MDN1: variants seen among roughly 807,000 people sequenced by gnomAD.
The protein encoded by MDN1 is midasin.
A neutral mutation model predicts 669.2 loss-of-function variants in MDN1; 266 were observed. The observed-to-expected ratio is 0.40, with a 90% confidence interval of 0.36 to 0.44. The LOEUF (loss-of-function observed/expected upper bound fraction) is 0.44. Among genes scored for constraint, MDN1 ranks in the 20% least tolerant of loss-of-function variants. The pLI, the probability that MDN1 is intolerant of heterozygous loss-of-function variation, is 1.00. For missense variants in MDN1, 5,940 were observed against 6,754.0 expected (o/e 0.88, Z 4.22); for synonymous variants, 2,385 against 2,457.1 (o/e 0.97, Z 0.87).
chr6:89,791,923 A>G (rs1413209746), intron 5 of MDN1, among the ~76,000 whole-genome samples: 1 of 135,594 alleles, frequency 7.4e-6, no homozygotes, highest in East Asian at 2.2e-4. Context: ...TCTGGAGTGC[A>G]GTGGCACGAT....
intron 77 of MDN1, 98 bp downstream of exon 77, chr6:89,676,004 G>T: frequency 9.7e-7 from 1 of 1,033,414 alleles, no homozygotes; most frequent in Non-Finnish European, 1.5e-6. Flanking sequence ...CCACTAACAG[G>T]CTGTTATCAC....
chr6:89,801,211 C>CA (rs769058721), intron 2 of MDN1, among the ~76,000 whole-genome samples: 25 of 152,158 alleles, frequency 1.6e-4, no homozygotes, highest in Non-Finnish European at 2.8e-4. Flanking sequence ...GCCTGGCCAA[C>CA]ATGGTGAAAC....
chr6:89,759,005 G>A, intron 17 of MDN1, 45 bp from the exon 18 acceptor site: 3 of 1,577,364 alleles, frequency 1.9e-6, no homozygotes, highest in Non-Finnish European at 2.6e-6. Context: ...TCAAATAAAG[G>A]CACACTTGCC....
chr6:89,677,678 C>A lies in MDN1; in HGVS notation c.12431G>T (p.Gly4144Val). ...GTTTTTTGAACGGGCCCAAGCAAGA[C>A]CTTTGCGATACGACAAACCTAGGAA... ...LAKIGLSYRK[G>V]LAWARSKNPQ... Residue 4144 changes from glycine to valine, a missense_variant, in exon 76 of 102, where the codon GGT becomes GTT. Physicochemically the swap from Gly to Val is moderately radical, Grantham distance 109. This residue lies in a region of MDN1 where 2,280 missense variants were observed against 2,576.3 expected (regional missense o/e 0.88). Coordinates refer to ENST00000369393, the MANE Select transcript of MDN1 (RefSeq NM_014611.3). 1 of 1,614,120 alleles carries A rather than the reference C, an allele frequency of 6.2e-7. No homozygotes were observed. Among genetic ancestry groups the A allele is most frequent in the Non-Finnish European group, 8.5e-7 (1 of 1,180,016 alleles).
In MDN1 at chr6:89,678,635, C is replaced by T. The variant is rs769208149; in HGVS notation, c.12376G>A (p.Ala4126Thr). The change falls in exon 75 of 102, where the codon GCT becomes ACT. Residue 4126 changes from alanine (A) to threonine (T), a missense_variant. Physicochemically the swap from Ala to Thr is moderately conservative, Grantham distance 58. Transcript: ENST00000369393. ...AKHILMQKQR[A>T]LSDLFKHLAK... ...AGGTGTTTAAAGAGGTCTGACAAAG[C>T]TCGCTGTTTTTGCATGAGAATGTGC... is the stretch of plus-strand genomic sequence containing the variant. 6.2e-7 allele frequency: 1 copy of T among 1,614,164 alleles called. No homozygotes were observed. Among genetic ancestry groups the T allele is most frequent in the South Asian group, 1.1e-5 (1 of 91,076 alleles).
At chr6:89,675,929 G>A (rs1811146786) in intron 77 of MDN1, 173 bp downstream of exon 77, 1 of 604,090 alleles carries the variant, frequency 1.7e-6, no homozygotes, top group South Asian at 2.3e-5. Flanking sequence ...AAGGTGTTCT[G>A]ATTTTGCACA....
chr6:89,765,242 G>A (rs1201487688), intron 15 of MDN1, among the ~76,000 whole-genome samples: 1 of 131,460 alleles, frequency 7.6e-6, no homozygotes, highest in East Asian at 2.3e-4. Flanking sequence ...GGGAGACAGA[G>A]TGAGACTATG....
At chr6:89,783,314 C>T (rs1410426235) in intron 9 of MDN1, among the ~76,000 whole-genome samples, 1 of 152,102 alleles carries the variant, frequency 6.6e-6, no homozygotes, top group Non-Finnish European at 1.5e-5. Context: ...CTGGGAATGC[C>T]TGTCTTATGC....
Position 89,794,757 on chromosome 6 carries a change from C to T in MDN1, c.374G>A (p.Arg125Lys). 2 of 1,614,216 alleles carry T rather than the reference C, an allele frequency of 1.2e-6. No individual in the cohort carries two copies. Among genetic ancestry groups the T allele is most frequent in the Non-Finnish European group, 1.7e-6 (2 of 1,180,028 alleles). ...AGCATCTGAACTCTCTAGGAAAAGTCTTTGAAAGACTGGGGATGTGTCCTT... is the reference window on the plus strand; with the variant it reads ...AGCATCTGAACTCTCTAGGAAAAGTTTTTGAAAGACTGGGGATGTGTCCTT... ...YFKDTSPVFQ[R>K]LFLESSDANP... Residue 125 changes from arginine to lysine, a missense_variant, in exon 3 of 102, where the codon AGA (arginine) becomes AAA (lysine). By Grantham distance (26) the Arg-to-Lys change is conservative. Transcript: ENST00000369393.
chr6:89,794,707 T>C lies in MDN1; in HGVS notation c.424A>G (p.Arg142Gly). The C allele has an allele frequency of 6.2e-7, 1 of 1,614,172 alleles. No individual in the cohort carries two copies. Among genetic ancestry groups the C allele is most frequent in the South Asian group, 1.1e-5 (1 of 91,078 alleles). Reference protein sequence around the residue: ...DANPVRYGRRRMKLRDLMEAA... With the variant: ...DANPVRYGRRGMKLRDLMEAA... ...TCCATTAGGTCCCGGAGCTTCATCC[T>C]CCTACGTCCATAGCGTACTGGATTA... Residue 142 changes from arginine to glycine, a missense_variant, in exon 3 of 102, where the codon AGG becomes GGG. Physicochemically the swap from Arg to Gly is moderately radical, Grantham distance 125. Transcript: ENST00000369393.
intron 17 of MDN1, among the ~76,000 whole-genome samples, chr6:89,759,368 T>C (rs1817417710): frequency 1.3e-5 from 2 of 152,222 alleles, no homozygotes; most frequent in African/African-American, 4.8e-5. Flanking sequence ...CTTTCACACC[T>C]ACTGAAGATT....
intron 38 of MDN1, among the ~76,000 whole-genome samples, 169 bp downstream of exon 38, chr6:89,725,030 A>C (rs1815125796): frequency 6.6e-6 from 1 of 152,180 alleles, no homozygotes; most frequent in South Asian, 2.1e-4. Flanking sequence ...GAAGGACAGA[A>C]GCAATGATGG....
chr6:89,669,419 A>G (rs1309312576), intron 83 of MDN1, among the ~76,000 whole-genome samples: 2 of 152,132 alleles, frequency 1.3e-5, no homozygotes, highest in Non-Finnish European at 2.9e-5. Flanking sequence ...GTTACTTATC[A>G]TTACTACAGA....
intron 11 of MDN1, among the ~76,000 whole-genome samples, chr6:89,777,783 T>C (rs2128323819): frequency 6.6e-6 from 1 of 152,270 alleles, no homozygotes; most frequent in South Asian, 2.1e-4. Context: ...AGACTCAGTA[T>C]ACAAGACCAT....
chr6:89,784,842 A>T (rs2128325317), intron 9 of MDN1, among the ~76,000 whole-genome samples, 170 bp downstream of exon 9: 1 of 152,336 alleles, frequency 6.6e-6, no homozygotes, highest in Non-Finnish European at 1.5e-5. Flanking sequence ...TTTGCTTTCA[A>T]ATATATTAGC....
chr6:89,805,160 C>T (rs535729931), intron 1 of MDN1, among the ~76,000 whole-genome samples: 21 of 152,128 alleles, frequency 1.4e-4, no homozygotes, highest in South Asian at 8.3e-4. Context: ...TCTGCACAAC[C>T]GTTTCTGCCC....
In MDN1 at chr6:89,696,382, T is replaced by G; in HGVS notation, c.9361A>C (p.Ile3121Leu). ...ISSMLWTNMA[I>L]SSVAEFRRTD... ...TACCTGAATTCTGCTACTGAAGAGA[T>G]AGCCATGTTAGTCCAAAGCATCGAA... Residue 3121 changes from isoleucine (I) to leucine (L), a missense_variant, in exon 60 of 102, where the codon ATC (isoleucine) becomes CTC (leucine). Around this residue, in one of 5 missense-constraint regions of MDN1, gnomAD observed 2,292 missense variants for 2,638.3 expected, o/e 0.87. Transcript: ENST00000369393. The G allele has an allele frequency of 6.2e-7, 1 of 1,614,112 alleles. No individual in the cohort carries two copies. Among genetic ancestry groups the G allele is most frequent in the Non-Finnish European group, 8.5e-7 (1 of 1,180,016 alleles).
intron 33 of MDN1, among the ~76,000 whole-genome samples, chr6:89,735,203 T>C (rs1170346058): frequency 6.6e-6 from 1 of 151,976 alleles, no homozygotes; most frequent in Admixed American, 6.6e-5. Flanking sequence ...TTTGTTTTAA[T>C]GAAACAGAAT....
intron 87 of MDN1, 127 bp downstream of exon 87, chr6:89,661,960 T>C: frequency 1.8e-6 from 2 of 1,097,114 alleles, no homozygotes; most frequent in East Asian, 4.8e-5. Flanking sequence ...TGCATATTCT[T>C]TTATGAGGTA....
Sources: gnomAD v4.1 joint callset for allele counts (sites outside exome capture counted in the v4.1 genomes callset) on GRCh38, gnomAD v4.1.1 for gene constraint, gnomAD v4.1.1 regional missense constraint, MANE v1.5 for transcripts, NCBI Gene and HGNC (gene_info 2026-07-23, HGNC 2026-07-21) for gene names.